The following FAM228B variants were observed in gnomAD, a reference collection of about 807,000 sequenced individuals.
The protein encoded by FAM228B is family with sequence similarity 228 member B, also known as protein FAM228B.
In FAM228B, 38 loss-of-function variants were observed where a neutral mutation model predicts 42.6. The observed-to-expected ratio is 0.89, with a 90% CI of 0.69 to 1.17. The LOEUF is 1.17. Among genes scored for constraint, FAM228B ranks in the 50% most tolerant of loss-of-function variants. FAM228B has a pLI of 0.00. For missense variants in FAM228B, 344 were observed against 367.3 expected (o/e 0.94, Z 0.52); for synonymous variants, 109 against 122.3 (o/e 0.89, Z 0.72).
rs996752944 is a variant in FAM228B, at chr2:24,169,173, A to G, written c.*15-183A>G. On this transcript the variant is annotated intron_variant, in intron 10 of 10. Coordinates refer to ENST00000615575, the MANE Select transcript of FAM228B (RefSeq NM_001145710.2). This position sits in a 1 kb window ranked among gnomAD's most constrained non-coding sequence, Gnocchi z 4.2. ...TCTCTCAGTGCTTCTGACTCCAGAC[A>G]GCGCGAGGAAAGGCTGAGGCAGGAG... Among the ~76,000 whole-genome samples, 2 of 152,198 alleles carry G rather than the reference A, an allele frequency of 1.3e-5. No homozygotes were observed. The highest frequency in any genetic ancestry group is 1.5e-5 in the Non-Finnish European group (1 of 68,024).
intron 10 of FAM228B, chr2:24,167,902 G>A: frequency 2.1e-6 from 1 of 466,246 alleles, no homozygotes. Context: ...TTTTCTCATG[G>A]GGCACTTCCA....
rs771477049 is a variant in FAM228B, at chr2:24,084,145, G to C, written c.-210+3190G>C. On this transcript the variant is annotated intron_variant, in intron 2 of 10. Coordinates refer to the FAM228B transcript ENST00000613899. The surrounding 1 kb of genome is among the most constrained non-coding windows in gnomAD (Gnocchi z 8.4). ...TCCACTGAGTGCTGTTGAGAGGGAG[G>C]CTCTGGAGTCCCGCCCGCCCCGGCG... The C allele has an allele frequency of 1.3e-6, 2 of 1,577,168 alleles. No individual in the cohort carries two copies. The highest frequency in any genetic ancestry group is 2.2e-5 in the East Asian group (1 of 44,586).
intron 3 of FAM228B, among the ~76,000 whole-genome samples, chr2:24,109,152 CA>C (rs145615269): frequency 1.2e-4 from 8 of 66,278 alleles, no homozygotes; most frequent in African/African-American, 2.4e-4. Flanking sequence ...ACAAAGTTGA[CA>C]AAAAAAAAGA....
At chr2:24,146,208 G>C (rs1666890362) in intron 5 of FAM228B, among the ~76,000 whole-genome samples, 1 of 152,116 alleles carries the variant, frequency 6.6e-6, no homozygotes, top group South Asian at 2.1e-4. Flanking sequence ...TCACTGACTA[G>C]GCCTAAATGG....
rs555584896 is a variant in FAM228B at position 24,151,555 on chromosome 2, G to A, written c.686+4469G>A. ...GATCCACCCGCCTTGGCCTCCCAAA[G>A]TTCTGGGAATACAGGCATGAGCCAC... On this transcript the variant is annotated intron_variant, in intron 7 of 10. Coordinates refer to ENST00000615575, the MANE Select transcript of FAM228B (RefSeq NM_001145710.2). Among the ~76,000 whole-genome samples, 8 of 150,884 alleles carry A rather than the reference G, an allele frequency of 5.3e-5. No individual in the cohort carries two copies. The South Asian group carries it at 1.7e-3, about 31-fold the overall frequency.
At chr2:24,166,054 A>AAAAAAATATAT (rs56146407) in intron 9 of FAM228B, 2 of 81,028 alleles carry the variant, frequency 2.5e-5, no homozygotes, top group East Asian at 4.4e-4. Flanking sequence ...AAAAAAAAAA[A>AAAAAAATATAT]ATATATATAT....
At chr2:24,092,749 T>C (rs145141020) in intron 2 of FAM228B, among the ~76,000 whole-genome samples, 14 of 152,216 alleles carry the variant, frequency 9.2e-5, no homozygotes, top group African/African-American at 3.4e-4. Context: ...ACAAAGTAGA[T>C]CCCATCACTA....
intron 2 of FAM228B, among the ~76,000 whole-genome samples, chr2:24,090,742 C>T (rs1445599362): frequency 6.6e-6 from 1 of 152,020 alleles, no homozygotes; most frequent in Non-Finnish European, 1.5e-5. Context: ...ACGTAGAAGC[C>T]ATTCATTATA....
At chr2:24,079,394 C>A in intron 1 of FAM228B, 1 of 1,589,828 alleles carries the variant, frequency 6.3e-7, no homozygotes, top group Non-Finnish European at 8.6e-7. Context: ...TGTAAATGAA[C>A]CACACTTTTC....
At chr2:24,130,111 G>C (rs1043792644) in intron 2 of FAM228B, among the ~76,000 whole-genome samples, 16 of 152,140 alleles carry the variant, frequency 1.1e-4, no homozygotes, top group African/African-American at 3.4e-4. Flanking sequence ...ATGGCTTTCA[G>C]CTTCATCTAT....
chr2:24,107,231 A>G (rs1207852133), intron 3 of FAM228B, among the ~76,000 whole-genome samples: 3 of 152,248 alleles, frequency 2.0e-5, no homozygotes, highest in Admixed American at 2.0e-4. Context: ...AGACCTAACT[A>G]TCCTAAATAT....
chr2:24,158,215 C>CTTTTTTTTTTTTTTTTTTTTTTTTTTT (rs1335914110), intron 7 of FAM228B, among the ~76,000 whole-genome samples: 1 of 9,176 alleles, frequency 1.1e-4, no homozygotes, highest in Non-Finnish European at 1.9e-4. Flanking sequence ...TTTTTTTTTC[C>CTTTTTTTTTTTTTTTTTTTTTTTTTTT]AAAACATTGT....
chr2:24,123,854 C>T lies in FAM228B; in HGVS notation c.-33+321C>T, dbSNP rs527785194. 7.6e-4 allele frequency among the ~76,000 whole-genome samples: 116 copies of T among 152,248 alleles called. 1 individual carries two copies. The highest frequency in any genetic ancestry group is 2.5e-3 in the African/African-American group (103 of 41,568). On this transcript the variant is annotated intron_variant, in intron 1 of 10. Coordinates refer to ENST00000615575, the MANE Select transcript of FAM228B (RefSeq NM_001145710.2). ...GAGCGGGTGCGGACGCCTACGACAT[C>T]CCCGTCGCACCCGTGCCTCGGGGAG...
At chr2:24,103,323 G>T (rs778550067) in intron 3 of FAM228B, among the ~76,000 whole-genome samples, 1 of 152,192 alleles carries the variant, frequency 6.6e-6, no homozygotes, top group Non-Finnish European at 1.5e-5. Context: ...AGGAAAGTAC[G>T]TATGGAAGTT....
At chr2:24,159,141 T>A (rs1667230462) in intron 7 of FAM228B, among the ~76,000 whole-genome samples, 3 of 152,256 alleles carry the variant, frequency 2.0e-5, no homozygotes, top group Admixed American at 1.3e-4. Context: ...CACCCTAATC[T>A]ACTGTTACCT....
At chr2:24,079,378 G>A in intron 1 of FAM228B, 1 of 1,537,880 alleles carries the variant, frequency 6.5e-7, no homozygotes, top group African/African-American at 1.4e-5. Flanking sequence ...TCCTTTCTCG[G>A]GGTAATGTAA....
intron 7 of FAM228B, among the ~76,000 whole-genome samples, chr2:24,157,127 A>T (rs910389421): frequency 4.6e-5 from 7 of 152,122 alleles, no homozygotes; most frequent in Admixed American, 3.9e-4. Flanking sequence ...ATGTATTTGC[A>T]TGGTTTTGAG....
upstream of FAM228B, among the ~76,000 whole-genome samples, chr2:24,120,657 G>T (rs1666082730): frequency 6.6e-6 from 1 of 152,064 alleles, no homozygotes; most frequent in Non-Finnish European, 1.5e-5. Flanking sequence ...CTGGATTCAA[G>T]AAATTCTCCT....
chr2:24,162,861 T>C (rs1667316906), intron 8 of FAM228B, among the ~76,000 whole-genome samples: 1 of 152,158 alleles, frequency 6.6e-6, no homozygotes, highest in Non-Finnish European at 1.5e-5. Context: ...TACAAAATGT[T>C]CAGAAAAGGC....
Sources: gnomAD v4.1 joint callset for allele counts (sites outside exome capture counted in the v4.1 genomes callset) on GRCh38, gnomAD v4.1.1 for gene constraint, Gnocchi (gnomAD v3.1) non-coding constraint, MANE v1.5 for transcripts, NCBI Gene and HGNC (gene_info 2026-07-23, HGNC 2026-07-21) for gene names.